Variants in GFRA1 observed in about 807,000 individuals in gnomAD.
GFRA1 encodes GDNF family receptor alpha-1.
A neutral mutation model predicts 51.6 loss-of-function variants in GFRA1; 16 were observed. The observed-to-expected ratio is 0.31, with a 90% CI of 0.21 to 0.47. The LOEUF (loss-of-function observed/expected upper bound fraction) is 0.47. Ranked by LOEUF, GFRA1 falls within the 20% of genes least tolerant of loss-of-function variation. The pLI, the probability that GFRA1 is intolerant of heterozygous loss-of-function variation, is 1.00. For missense variants in GFRA1, 530 were observed against 594.3 expected, an observed-to-expected ratio of 0.89 and a Z score of 1.13; for synonymous variants, 270 against 241.3, an observed-to-expected ratio of 1.12 and a Z score of -1.10.
intron 8 of GFRA1, 115 bp from the exon 9 acceptor site, chr10:116,090,037 T>G: frequency 1.0e-6 from 1 of 961,726 alleles, no homozygotes; most frequent in Non-Finnish European, 1.6e-6. Context: ...TGGACTTCTC[T>G]GAACAAAACG....
chr10:116,192,515 G>C (rs1048518396), intron 5 of GFRA1, among the ~76,000 whole-genome samples: 2 of 152,178 alleles, frequency 1.3e-5, no homozygotes, highest in African/African-American at 4.8e-5. Flanking sequence ...AAGGGTGAAT[G>C]AATCGTCCAA....
chr10:116,077,014 TTATAGAATAGTAAACTATGAGTTA>T (rs1955645775), intron 9 of GFRA1, among the ~76,000 whole-genome samples: 1 of 152,210 alleles, frequency 6.6e-6, no homozygotes, highest in African/African-American at 2.4e-5. Flanking sequence ...GCCATTCACT[TTATAGAATAGTAAACTATGAGTTA>T]TTTGGAGGTA....
At chr10:116,133,387 A>T (rs1958185908) in intron 5 of GFRA1, among the ~76,000 whole-genome samples, 1 of 152,198 alleles carries the variant, frequency 6.6e-6, no homozygotes, top group Non-Finnish European at 1.5e-5. Context: ...GAGGTATAAC[A>T]TTCATGGCAA....
At chr10:116,233,007 AC>A (rs1966777440) in intron 4 of GFRA1, among the ~76,000 whole-genome samples, 1 of 152,162 alleles carries the variant, frequency 6.6e-6, no homozygotes, top group African/African-American at 2.4e-5. Flanking sequence ...CTAAAAAGCC[AC>A]CTTTACTTCT....
chr10:116,163,710 A>ACC (rs1326831095), intron 5 of GFRA1, among the ~76,000 whole-genome samples: 1 of 152,068 alleles, frequency 6.6e-6, no homozygotes, highest in Non-Finnish European at 1.5e-5. Context: ...TTCCCTTTTC[A>ACC]GAATGGAATG....
chr10:116,262,596 A>G (rs1252438655), intron 4 of GFRA1, among the ~76,000 whole-genome samples: 1 of 152,236 alleles, frequency 6.6e-6, no homozygotes, highest in African/African-American at 2.4e-5. Flanking sequence ...GCATGTTTAC[A>G]GCAGTTATTT....
Position 116,269,669 on chromosome 10 carries a change from T to A in GFRA1, c.335-83A>T, listed in dbSNP as rs570522839. 4.3e-4 allele frequency: 347 copies of A among 811,350 alleles called. No individual in the cohort carries two copies. The African/African-American group carries it at 5.4e-3, about 13-fold the overall frequency. 50.3% of individuals were successfully genotyped at this position (811,350 alleles called of 1,614,324 possible). On this transcript the variant is annotated intron_variant, in intron 3 of 10. Coordinates refer to ENST00000355422, the MANE Select transcript of GFRA1 (RefSeq NM_005264.8). Reference sequence around the variant, plus strand: ...TTTGCTGCTGAATCTGAATTCTAATTATGTTATGATTGTGTAACAAAAAGA... The same window carrying A: ...TTTGCTGCTGAATCTGAATTCTAATAATGTTATGATTGTGTAACAAAAAGA...
At chr10:116,197,691 T>C (rs1375137309) in intron 5 of GFRA1, among the ~76,000 whole-genome samples, 1 of 152,152 alleles carries the variant, frequency 6.6e-6, no homozygotes, top group Non-Finnish European at 1.5e-5. Flanking sequence ...GGGATACAAC[T>C]AAACCCACTA....
At chr10:116,096,047 G>A (rs1033676095) in intron 7 of GFRA1, among the ~76,000 whole-genome samples, 12 of 152,082 alleles carry the variant, frequency 7.9e-5, no homozygotes, top group African/African-American at 2.4e-4. Context: ...AGAATGCTGA[G>A]AACATGGTTC....
chr10:116,219,464 T>C (rs1260994148), intron 4 of GFRA1, among the ~76,000 whole-genome samples: 2 of 152,202 alleles, frequency 1.3e-5, no homozygotes, highest in Non-Finnish European at 2.9e-5. Context: ...ACAAATATTT[T>C]AGATTGCATT....
intron 5 of GFRA1, among the ~76,000 whole-genome samples, chr10:116,129,468 T>C (rs1466749284): frequency 6.6e-6 from 1 of 152,138 alleles, no homozygotes; most frequent in Non-Finnish European, 1.5e-5. Context: ...TAAATTTCAA[T>C]ACTCATCCAT....
At chr10:116,189,955 C>G (rs1379602869) in intron 5 of GFRA1, among the ~76,000 whole-genome samples, 1 of 151,994 alleles carries the variant, frequency 6.6e-6, no homozygotes, top group African/African-American at 2.4e-5. Flanking sequence ...TATGAGAAGA[C>G]AAATGCTCCC....
chr10:116,089,788 C>G lies in GFRA1; in HGVS notation c.1150G>C (p.Glu384Gln). Reference sequence around the variant, plus strand: ...AAAACATGAGTGGGAATTTCATTCTCAGACCCTGCTGGCCCCAGGGGCTTG... The same window carrying G: ...AAAACATGAGTGGGAATTTCATTCTGAGACCCTGCTGGCCCCAGGGGCTTG... The part of the protein sequence containing the change: ...KNKPLGPAGS[E>Q]NEIPTHVLPP... Residue 384 changes from glutamate (E) to glutamine (Q), a missense_variant, in exon 9 of 11, where the codon GAG (glutamate) becomes CAG (glutamine). Physicochemically the swap from Glu to Gln is conservative, Grantham distance 29 (BLOSUM62 2). Transcript: ENST00000355422. 6.2e-7 allele frequency: 1 copy of G among 1,614,182 alleles called. No homozygotes were observed. The highest frequency in any genetic ancestry group is 8.5e-7 in the Non-Finnish European group (1 of 1,180,022).
At chr10:116,178,116 C>T (rs1434980538) in intron 5 of GFRA1, among the ~76,000 whole-genome samples, 1 of 152,204 alleles carries the variant, frequency 6.6e-6, no homozygotes, top group Non-Finnish European at 1.5e-5. Context: ...ACAGTTCTGC[C>T]TGTCGTGTTC....
chr10:116,208,955 A>G (rs1413578841), intron 5 of GFRA1, among the ~76,000 whole-genome samples: 1 of 152,196 alleles, frequency 6.6e-6, no homozygotes, highest in Non-Finnish European at 1.5e-5. Flanking sequence ...GAGCTACCCA[A>G]TGTCTCTGTG....
At chr10:116,125,930 A>T (rs1957853991) in intron 5 of GFRA1, among the ~76,000 whole-genome samples, 2 of 152,260 alleles carry the variant, frequency 1.3e-5, no homozygotes, top group Admixed American at 6.5e-5. Context: ...ATACTTGTTC[A>T]TGATATGCTG....
chr10:116,152,375 G>A (rs1458391622), intron 5 of GFRA1, among the ~76,000 whole-genome samples: 1 of 152,152 alleles, frequency 6.6e-6, no homozygotes, highest in African/African-American at 2.4e-5. Flanking sequence ...ATCTGTTCTT[G>A]TGTTGCTATA....
At chr10:116,239,592 C>T (rs764315395) in intron 4 of GFRA1, among the ~76,000 whole-genome samples, 17 of 152,132 alleles carry the variant, frequency 1.1e-4, no homozygotes, top group Non-Finnish European at 2.4e-4. Context: ...CGTAACTTAA[C>T]AATGAATTCC....
intron 5 of GFRA1, among the ~76,000 whole-genome samples, chr10:116,138,887 T>C (rs546260217): frequency 6.6e-6 from 1 of 152,196 alleles, no homozygotes; most frequent in Non-Finnish European, 1.5e-5. Context: ...TAGATTCCCA[T>C]TGGAAGGACG....
Sources: gnomAD v4.1 joint callset for allele counts (sites outside exome capture counted in the v4.1 genomes callset) on GRCh38, gnomAD v4.1.1 for gene constraint, MANE v1.5 for transcripts, NCBI Gene and HGNC (gene_info 2026-07-23, HGNC 2026-07-21) for gene names.